ANKRD31: variants seen among roughly 807,000 people sequenced by gnomAD.
ANKRD31 encodes ankyrin repeat domain 31.
A neutral mutation model predicts 186.0 loss-of-function variants in ANKRD31; 147 were observed. That is an observed-to-expected ratio of 0.79 (90% CI 0.69 to 0.91). ANKRD31 has a LOEUF of 0.91. Ranked by LOEUF, ANKRD31 falls within the 40% of genes least tolerant of loss-of-function variation. The pLI is 0.00. For missense variants in ANKRD31, 1,986 were observed against 2,148.8 expected (o/e 0.92, Z 1.50); for synonymous variants, 673 against 736.4 (o/e 0.91, Z 1.39).
At chr5:75,104,151 T>C (rs1440417392) in intron 22 of ANKRD31, 77 bp downstream of exon 22, 3 of 1,249,890 alleles carry the variant, frequency 2.4e-6, no homozygotes, top group Admixed American at 2.8e-5. Flanking sequence ...GAGCTAAATG[T>C]CTATATTATG....
intron 11 of ANKRD31, among the ~76,000 whole-genome samples, chr5:75,158,579 C>T (rs570636700): frequency 1.3e-5 from 2 of 152,236 alleles, no homozygotes; most frequent in South Asian, 4.2e-4. Flanking sequence ...AGTTCTAAAC[C>T]AGCCTAGGTG....
rs1755688979 is a variant in ANKRD31 at position 75,199,641 on chromosome 5, T to C, written c.437A>G (p.His146Arg). The change falls in exon 6 of 26, where the codon CAC becomes CGC. Residue 146 changes from histidine to arginine, a missense_variant. Physicochemically the swap from His to Arg is conservative, Grantham distance 29. Transcript: ENST00000506364. ...GTTATACAGACCAACCTTTTCTATG[T>C]GTGGCAAAACTTCAGGACTTTCAGC... Reference protein sequence around the residue: ...PEAESPEVLPHIEKELSEGRD... With the variant: ...PEAESPEVLPRIEKELSEGRD... 13 of 1,532,900 alleles carry C rather than the reference T, an allele frequency of 8.5e-6. No individual in the cohort carries two copies. Among genetic ancestry groups the C allele is most frequent in the Non-Finnish European group, 1.0e-5 (12 of 1,144,422 alleles). The allele number at this position is 1,532,900 out of a possible 1,614,324, so 95.0% of individuals were successfully genotyped here.
chr5:75,136,003 T>C (rs371886982), intron 17 of ANKRD31, among the ~76,000 whole-genome samples: 20 of 152,166 alleles, frequency 1.3e-4, no homozygotes, highest in African/African-American at 3.9e-4. Flanking sequence ...TTACACCTTA[T>C]ACAAAAATTA....
Position 75,119,127 on chromosome 5 carries a change from G to C in ANKRD31, c.3877-830C>G, listed in dbSNP as rs144701896. Among the ~76,000 whole-genome samples the C allele has an allele frequency of 4.2e-3, 645 of 152,210 alleles. 1 individual carries two copies. The highest frequency in any genetic ancestry group is 9.6e-3 in the South Asian group (46 of 4,814). On this transcript the variant is annotated intron_variant, in intron 17 of 25. Coordinates refer to ENST00000506364, the MANE Select transcript of ANKRD31 (RefSeq NM_001372053.1). ...TTCAACTTTTATTTTAGATTCAAAT[G>C]ATATATGTGCAGGTTTACTACATGG...
intron 24 of ANKRD31, among the ~76,000 whole-genome samples, chr5:75,083,184 A>G (rs567132679): frequency 1.3e-4 from 20 of 152,334 alleles, no homozygotes; most frequent in Admixed American, 7.8e-4. Context: ...ATAATTTTGT[A>G]CATGAAACAA....
At chr5:75,115,428 A>G (rs1280784163) in intron 19 of ANKRD31, among the ~76,000 whole-genome samples, 1 of 152,216 alleles carries the variant, frequency 6.6e-6, no homozygotes, top group Non-Finnish European at 1.5e-5. Flanking sequence ...TAAACTAAAG[A>G]GCTTCTGCAC....
At chr5:75,177,735 A>G (rs1349465704) in intron 10 of ANKRD31, among the ~76,000 whole-genome samples, 2 of 152,178 alleles carry the variant, frequency 1.3e-5, no homozygotes, top group African/African-American at 2.4e-5. Context: ...TGAAGGAAGC[A>G]CTAAACATGG....
At chr5:75,194,575 T>C (rs1437452059) in intron 7 of ANKRD31, among the ~76,000 whole-genome samples, 2 of 152,070 alleles carry the variant, frequency 1.3e-5, no homozygotes, top group Non-Finnish European at 2.9e-5. Flanking sequence ...CAGAAACATT[T>C]TGGTAATCGG....
In ANKRD31 at chr5:75,091,113, G is replaced by A. The variant is rs75988631; in HGVS notation, c.5472+148C>T. 1.3e-3 allele frequency: 1,058 copies of A among 789,250 alleles called. 10 individuals are homozygous for A. The African/African-American group carries it at 0.016, about 12-fold the overall frequency. The allele number at this position is 789,250 out of a possible 1,614,324, so 48.9% of individuals were successfully genotyped here. ...TCATTCTGTGACATGCATGTAGCATGATATGCATACAGCATATACAGAATG... is the reference window on the plus strand; with the variant it reads ...TCATTCTGTGACATGCATGTAGCATAATATGCATACAGCATATACAGAATG... On this transcript the variant is annotated intron_variant, in intron 23 of 25. Transcript: ENST00000506364.
chr5:75,106,243 T>C (rs1299438000), intron 21 of ANKRD31, among the ~76,000 whole-genome samples: 1 of 151,998 alleles, frequency 6.6e-6, no homozygotes, highest in African/African-American at 2.4e-5. Context: ...TATTAAAAAA[T>C]AGTTTTGACT....
At chr5:75,136,437 A>C (rs144944897) in intron 17 of ANKRD31, among the ~76,000 whole-genome samples, 281 of 152,378 alleles carry the variant, frequency 1.8e-3, no homozygotes, top group African/African-American at 5.9e-3. Flanking sequence ...TGGCCATCAG[A>C]GAAATGAAAA....
chr5:75,145,874 T>G, intron 14 of ANKRD31, 113 bp downstream of exon 14: 1 of 952,630 alleles, frequency 1.0e-6, no homozygotes, highest in Non-Finnish European at 1.5e-6. Context: ...ATGGCCCACA[T>G]GTCCTCATTC....
chr5:75,177,997 T>G (rs901100274), intron 10 of ANKRD31, among the ~76,000 whole-genome samples: 6 of 152,050 alleles, frequency 3.9e-5, no homozygotes, highest in Non-Finnish European at 8.8e-5. Context: ...CCATCTCACG[T>G]GCAGAGACAC....
In ANKRD31 at chr5:75,154,317, G is replaced by A. The variant is rs1434219631; in HGVS notation, c.1736C>T (p.Ala579Val). 6.5e-7 allele frequency: 1 copy of A among 1,532,616 alleles called. No homozygotes were observed. Among genetic ancestry groups the A allele is most frequent in the Non-Finnish European group, 8.7e-7 (1 of 1,145,172 alleles). The allele number at this position is 1,532,616 out of a possible 1,614,324, so 94.9% of individuals were successfully genotyped here. A position where few individuals can be genotyped will look rare whatever the true frequency, so the allele number is the denominator to read the frequency against. The change falls in exon 12 of 26, where the codon GCT becomes GTT. Residue 579 changes from alanine to valine, a missense_variant. Physicochemically the swap from Ala to Val is moderately conservative, Grantham distance 64. Coordinates refer to ENST00000506364, the MANE Select transcript of ANKRD31 (RefSeq NM_001372053.1). ...ATCATCATTTCTAAATAATGGATCA[G>A]CTCCATTCAGAAGAAGTAACTCTGC... ...KVAELLLLNG[A>V]DPLFRNDDGK...
intron 17 of ANKRD31, among the ~76,000 whole-genome samples, chr5:75,127,923 C>CA (rs1456853504): frequency 2.0e-5 from 3 of 152,080 alleles, no homozygotes; most frequent in African/African-American, 7.2e-5. Flanking sequence ...TTTAAATTTT[C>CA]AACTTCCAAT....
At chr5:75,133,831 C>T (rs879964515) in intron 17 of ANKRD31, among the ~76,000 whole-genome samples, 1 of 152,138 alleles carries the variant, frequency 6.6e-6, no homozygotes, top group Non-Finnish European at 1.5e-5. Flanking sequence ...GACCACAGTG[C>T]AATCAAACTA....
intron 3 of ANKRD31, 143 bp downstream of exon 3, chr5:75,222,106 A>G (rs1757336403): frequency 9.1e-6 from 5 of 548,154 alleles, no homozygotes; most frequent in Non-Finnish European, 1.6e-5. Flanking sequence ...TAGAATGACT[A>G]GTTAAGAAAG....
chr5:75,169,504 A>G lies in ANKRD31; in HGVS notation c.1565-383T>C, dbSNP rs1014870008. Among the ~76,000 whole-genome samples the G allele has an allele frequency of 9.8e-5, 15 of 152,294 alleles. 1 individual carries two copies. Among genetic ancestry groups the G allele is most frequent in the Admixed American group, 9.8e-4 (15 of 15,294 alleles). On this transcript the variant is annotated intron_variant, in intron 10 of 25. Coordinates refer to ENST00000506364, the MANE Select transcript of ANKRD31 (RefSeq NM_001372053.1). ...TTCTAGTTCAAGGTACTTCCATTAA[A>G]GTATCCAGCTGGCTGGACTACATAT... is the stretch of plus-strand genomic sequence containing the variant.
chr5:75,181,634 A>G (rs575172992), intron 10 of ANKRD31, among the ~76,000 whole-genome samples: 65 of 150,438 alleles, frequency 4.3e-4, no homozygotes, highest in Middle Eastern at 3.4e-3. Context: ...TATCGCAAGG[A>G]CAAAAAACCA....
Sources: gnomAD v4.1 joint callset for allele counts (sites outside exome capture counted in the v4.1 genomes callset) on GRCh38, gnomAD v4.1.1 for gene constraint, MANE v1.5 for transcripts, NCBI Gene and HGNC (gene_info 2026-07-23, HGNC 2026-07-21) for gene names.